Variants in SPMAP2L observed in about 807,000 individuals in gnomAD.
SPMAP2L encodes the protein sperm microtubule associated protein 2-like.
At chr4:56,593,168 G>A in the SPMAP2L span, 1 of 1,556,482 alleles carries the variant, frequency 6.4e-7, no homozygotes, top group African/African-American at 1.4e-5. Context: ...GGTGTCTCAG[G>A]GGAGGCTGGA....
the SPMAP2L span, among the ~76,000 whole-genome samples, chr4:56,558,564 T>C: frequency 6.6e-6 from 1 of 152,294 alleles, no homozygotes; most frequent in East Asian, 1.9e-4. Context: ...ATGCACTTGA[T>C]TTCATGGTTG....
At chr4:56,531,720 G>C in the SPMAP2L span, among the ~76,000 whole-genome samples, 4 of 152,182 alleles carry the variant, frequency 2.6e-5, no homozygotes, top group East Asian at 7.7e-4. Context: ...ACCTTCACAA[G>C]GTAACAGAGC....
At chr4:56,548,863 T>C in the SPMAP2L span, 2 of 1,376,492 alleles carry the variant, frequency 1.5e-6, no homozygotes, top group East Asian at 5.6e-5. Context: ...AGACCTAAAC[T>C]AATAGGCCAG....
At chr4:56,618,623 T>C in the SPMAP2L span, among the ~76,000 whole-genome samples, 3 of 152,114 alleles carry the variant, frequency 2.0e-5, no homozygotes, top group African/African-American at 7.2e-5. Flanking sequence ...AAGAACAGCA[T>C]GAAGGTTACC....
At chr4:56,545,601 G>A in the SPMAP2L span, among the ~76,000 whole-genome samples, 6 of 151,428 alleles carry the variant, frequency 4.0e-5, no homozygotes, top group Admixed American at 4.0e-4. Context: ...CACACCTGTA[G>A]TCCCAGCTAC....
chr4:56,622,354 T>A, the SPMAP2L span, among the ~76,000 whole-genome samples: 1 of 152,234 alleles, frequency 6.6e-6, no homozygotes, highest in Non-Finnish European at 1.5e-5. Context: ...GCAATAAAAA[T>A]ACCTCGCACC....
At chr4:56,588,393 T>C in the SPMAP2L span, among the ~76,000 whole-genome samples, 40,858 of 151,924 alleles carry the variant, frequency 0.27, 7,250 homozygotes, top group African/African-American at 0.5. Context: ...CCTGCCTAAG[T>C]CAATGTCTAG....
At chr4:56,585,176 C>A in the SPMAP2L span, among the ~76,000 whole-genome samples, 1 of 152,168 alleles carries the variant, frequency 6.6e-6, no homozygotes, top group Non-Finnish European at 1.5e-5. Flanking sequence ...ACATAAAAGA[C>A]TGTTCAAATT....
the SPMAP2L span, among the ~76,000 whole-genome samples, chr4:56,545,071 A>C: frequency 6.6e-6 from 1 of 152,324 alleles, no homozygotes; most frequent in South Asian, 2.1e-4. Flanking sequence ...TGACATTTGC[A>C]TGTGATTGAC....
chr4:56,593,201 A>G, the SPMAP2L span: 58 of 1,447,816 alleles, frequency 4.0e-5, 1 homozygote, highest in South Asian at 5.4e-4. Flanking sequence ...CTACCAGACC[A>G]TGGTGTGTGA....
chr4:56,595,705 A>C, the SPMAP2L span: 3,131 of 1,052,850 alleles, frequency 3.0e-3, 45 homozygotes, highest in African/African-American at 0.029. Flanking sequence ...TCTGAACAAA[A>C]GAGGGCCTCT....
the SPMAP2L span, among the ~76,000 whole-genome samples, chr4:56,568,181 T>A: frequency 6.6e-6 from 1 of 152,216 alleles, no homozygotes; most frequent in Non-Finnish European, 1.5e-5. Flanking sequence ...ATGCTCAATC[T>A]TTTCTTTGCC....
At chr4:56,588,881 G>A in the SPMAP2L span, among the ~76,000 whole-genome samples, 1 of 152,204 alleles carries the variant, frequency 6.6e-6, no homozygotes, top group Non-Finnish European at 1.5e-5. Context: ...TGAACAGGGT[G>A]TCCTTTCTCC....
the SPMAP2L span, among the ~76,000 whole-genome samples, chr4:56,615,772 C>G: frequency 3.9e-5 from 6 of 151,960 alleles, no homozygotes; most frequent in East Asian, 1.2e-3. Context: ...AACAAACAAA[C>G]AAACAAACAA....
At chr4:56,559,605 T>C in the SPMAP2L span, 1 of 1,303,958 alleles carries the variant, frequency 7.7e-7, no homozygotes. Flanking sequence ...TCTCACACTG[T>C]CACCTAGGCT....
chr4:56,570,475 T>G, the SPMAP2L span, among the ~76,000 whole-genome samples: 44,767 of 152,098 alleles, frequency 0.29, 9,276 homozygotes, highest in African/African-American at 0.58. Context: ...ACAGAATACC[T>G]TAGGCAATTA....
the SPMAP2L span, chr4:56,552,557 C>A: frequency 6.6e-7 from 1 of 1,517,144 alleles, no homozygotes; most frequent in Non-Finnish European, 8.8e-7. Flanking sequence ...AGTTTTTCTT[C>A]TAGGAAGAGA....
At chr4:56,604,486 C>T in the SPMAP2L span, among the ~76,000 whole-genome samples, 3 of 151,862 alleles carry the variant, frequency 2.0e-5, no homozygotes, top group South Asian at 2.1e-4. Flanking sequence ...GGTGAAACCC[C>T]GTCTCTACTA....
chr4:56,599,285 G>C, the SPMAP2L span, among the ~76,000 whole-genome samples: 4 of 152,116 alleles, frequency 2.6e-5, no homozygotes, highest in African/African-American at 9.7e-5. Context: ...CTGGGCTCAA[G>C]TGATCCTCCC....
Sources: gnomAD v4.1 joint callset for allele counts (sites outside exome capture counted in the v4.1 genomes callset) on GRCh38, gnomAD v4.1.1 for gene constraint, MANE v1.5 for transcripts, NCBI Gene and HGNC (gene_info 2026-07-23, HGNC 2026-07-21) for gene names.